MECOM: variants seen among roughly 807,000 people sequenced by gnomAD.
MECOM encodes MDS1 and EVI1 complex locus, also known as histone-lysine N-methyltransferase MECOM.
Under a neutral mutation model 116.3 loss-of-function variants are expected in MECOM, and 13 were observed. The observed-to-expected ratio is 0.11, with a 90% CI of 0.07 to 0.18. The LOEUF is 0.18. Ranked by LOEUF, MECOM falls within the 10% of genes least tolerant of loss-of-function variation. The pLI is 1.00. For missense variants in MECOM, 1,299 were observed against 1,509.0 expected (o/e 0.86, Z 2.31); for synonymous variants, 528 against 535.2 (o/e 0.99, Z 0.19).
intron 2 of MECOM, among the ~76,000 whole-genome samples, chr3:169,192,288 G>A (rs545748550): frequency 2.2e-4 from 34 of 152,062 alleles, no homozygotes; most frequent in Non-Finnish European, 4.3e-4. Flanking sequence ...TGTAAAACAC[G>A]TTTAGCAATT....
At chr3:169,127,821 T>G (rs776593021) in intron 5 of MECOM, 23 bp downstream of exon 5, 1 of 1,593,998 alleles carries the variant, frequency 6.3e-7, no homozygotes, top group South Asian at 1.1e-5. Context: ...ACAAGTTGTA[T>G]GGTACAACAT....
chr3:169,365,952 A>G (rs978168994), intron 2 of MECOM, among the ~76,000 whole-genome samples: 1 of 152,012 alleles, frequency 6.6e-6, no homozygotes, highest in Non-Finnish European at 1.5e-5. Flanking sequence ...AGATATCATG[A>G]CCTAGCCAAG....
intron 1 of MECOM, among the ~76,000 whole-genome samples, chr3:169,591,475 G>A (rs750194905): frequency 3.3e-5 from 5 of 152,214 alleles, no homozygotes; most frequent in South Asian, 2.1e-4. Context: ...CAAGTGCACC[G>A]TTTAGCAAAT....
intron 1 of MECOM, among the ~76,000 whole-genome samples, chr3:169,606,655 G>A (rs960573657): frequency 3.3e-5 from 5 of 152,122 alleles, no homozygotes; most frequent in Admixed American, 6.5e-5. Context: ...GTCCCAGACA[G>A]GTAGGAAGCT....
intron 1 of MECOM, among the ~76,000 whole-genome samples, chr3:169,505,308 A>T (rs1260892290): frequency 6.7e-6 from 1 of 148,266 alleles, no homozygotes; most frequent in African/African-American, 2.5e-5. Flanking sequence ...TAGAGCAGGA[A>T]TTTTTTTTTT....
chr3:169,492,605 A>G (rs1383909737), intron 1 of MECOM, among the ~76,000 whole-genome samples: 8 of 152,262 alleles, frequency 5.3e-5, no homozygotes, highest in Admixed American at 2.6e-4. Flanking sequence ...TACTATTATT[A>G]TATAACCCTA....
intron 1 of MECOM, among the ~76,000 whole-genome samples, chr3:169,543,530 C>CCTGGGTGACACTTGCT (rs1174583989): frequency 4.6e-5 from 7 of 152,172 alleles, no homozygotes; most frequent in Non-Finnish European, 1.0e-4. Flanking sequence ...TACACTCCAG[C>CCTGGGTGACACTTGCT]CTGGGTGACA....
chr3:169,537,325 T>C (rs1202243454), intron 1 of MECOM, among the ~76,000 whole-genome samples: 2 of 152,168 alleles, frequency 1.3e-5, no homozygotes. Flanking sequence ...AGAAATGTCT[T>C]ACTAGTAAGC....
chr3:169,550,983 C>T (rs1761329705), intron 1 of MECOM, among the ~76,000 whole-genome samples: 1 of 110,950 alleles, frequency 9.0e-6, no homozygotes, highest in Non-Finnish European at 1.9e-5. Flanking sequence ...GCCACTACGC[C>T]CGGCTAATTT....
chr3:169,488,050 A>G (rs1752617055), intron 1 of MECOM, among the ~76,000 whole-genome samples: 1 of 152,142 alleles, frequency 6.6e-6, no homozygotes, highest in Admixed American at 6.5e-5. Flanking sequence ...TAACTTCCAA[A>G]AGCATGAAGC....
At chr3:169,627,128 C>T (rs1404872265) in intron 1 of MECOM, among the ~76,000 whole-genome samples, 2 of 152,190 alleles carry the variant, frequency 1.3e-5, no homozygotes, top group African/African-American at 4.8e-5. Flanking sequence ...ACCCCTTAAA[C>T]AATGCTAATG....
At chr3:169,425,051 A>G (rs1740408513) in intron 1 of MECOM, among the ~76,000 whole-genome samples, 3 of 151,930 alleles carry the variant, frequency 2.0e-5, no homozygotes, top group Admixed American at 6.6e-5. Flanking sequence ...GTCCCAAGCT[A>G]AATCGAGGGA....
At chr3:169,658,230 A>G (rs1451962742) in intron 1 of MECOM, among the ~76,000 whole-genome samples, 1 of 152,242 alleles carries the variant, frequency 6.6e-6, no homozygotes, top group Non-Finnish European at 1.5e-5. Flanking sequence ...ATGCCTAGAC[A>G]GCGGCTTCCA....
intron 1 of MECOM, among the ~76,000 whole-genome samples, chr3:169,609,257 T>C (rs1577094472): frequency 6.6e-6 from 1 of 152,132 alleles, no homozygotes; most frequent in Non-Finnish European, 1.5e-5. Context: ...GAGGCTAGCC[T>C]CTACTTTGCA....
chr3:169,659,072 C>CAAAAAAAAAAAAAAAAAAA (rs199570807), intron 1 of MECOM, among the ~76,000 whole-genome samples: 1 of 83,550 alleles, frequency 1.2e-5, no homozygotes, highest in African/African-American at 4.6e-5. Context: ...CCTTCAACTC[C>CAAAAAAAAAAAAAAAAAAA]AAAAAAAAAA....
intron 2 of MECOM, among the ~76,000 whole-genome samples, chr3:169,260,564 C>T (rs536502507): frequency 9.9e-5 from 15 of 151,866 alleles, no homozygotes; most frequent in South Asian, 8.3e-4. Context: ...TTTGGCTTCA[C>T]GCTAAAGTAG....
chr3:169,337,549 T>C (rs768703418), intron 2 of MECOM, among the ~76,000 whole-genome samples: 11 of 152,182 alleles, frequency 7.2e-5, no homozygotes, highest in South Asian at 2.1e-4. Flanking sequence ...TAGGGGGTCA[T>C]TGTTGCCTGG....
chr3:169,604,242 C>T (rs1239555978), intron 1 of MECOM, among the ~76,000 whole-genome samples: 1 of 150,454 alleles, frequency 6.6e-6, no homozygotes, highest in Non-Finnish European at 1.5e-5. Context: ...TCTCTCTCTC[C>T]CTCCCTCCCT....
intron 1 of MECOM, among the ~76,000 whole-genome samples, chr3:169,441,231 C>A (rs773797181): frequency 1.1e-4 from 16 of 152,068 alleles, no homozygotes; most frequent in South Asian, 2.1e-4. Flanking sequence ...TTGGACAGAA[C>A]CTTCATCTCT....
Sources: gnomAD v4.1 joint callset for allele counts (sites outside exome capture counted in the v4.1 genomes callset) on GRCh38, gnomAD v4.1.1 for gene constraint, MANE v1.5 for transcripts, NCBI Gene and HGNC (gene_info 2026-07-23, HGNC 2026-07-21) for gene names.